Variants in PCDHGB2 observed in about 807,000 individuals in gnomAD.
PCDHGB2 encodes protocadherin gamma-B2.
Under a neutral mutation model 59.3 loss-of-function variants are expected in PCDHGB2, and 55 were observed. The ratio of observed to expected loss-of-function variants is 0.93; its 90% CI spans 0.75 to 1.16. The LOEUF is 1.16. PCDHGB2 is among the 50% of genes most tolerant of loss of function. The pLI is 0.00. For synonymous variants in PCDHGB2, 516 were observed against 512.0 expected, an observed-to-expected ratio of 1.01 and a Z score of -0.11; for missense variants, 1,228 against 1,198.5, an observed-to-expected ratio of 1.02 and a Z score of -0.36.
chr5:141,421,359 C>T, intron 1 of PCDHGB2: 1 of 1,614,012 alleles, frequency 6.2e-7, no homozygotes, highest in Non-Finnish European at 8.5e-7. Context: ...AAAAGGGCTC[C>T]TTCGTGGGCA....
chr5:141,382,477 A>C (rs906879449), intron 1 of PCDHGB2, among the ~76,000 whole-genome samples: 5 of 152,240 alleles, frequency 3.3e-5, no homozygotes, highest in African/African-American at 1.2e-4. Context: ...ATTATCTAAG[A>C]TTATCAAACA....
chr5:141,394,173 C>T, intron 1 of PCDHGB2: 1 of 1,613,948 alleles, frequency 6.2e-7, no homozygotes, highest in Non-Finnish European at 8.5e-7. Flanking sequence ...TACTTTCCCT[C>T]ATGCCTCCTA....
intron 1 of PCDHGB2, among the ~76,000 whole-genome samples, chr5:141,458,988 C>G (rs996478276): frequency 6.6e-6 from 1 of 152,208 alleles, no homozygotes; most frequent in African/African-American, 2.4e-5. Flanking sequence ...CTGCCTCACC[C>G]TCCCAAAGTG....
chr5:141,487,670 T>A lies in PCDHGB2; in HGVS notation c.2422-7137T>A. The A allele has an allele frequency of 6.2e-7, 1 of 1,612,302 alleles. No homozygotes were observed. Among genetic ancestry groups the A allele is most frequent in the Non-Finnish European group, 8.5e-7 (1 of 1,179,082 alleles). ...TGAGGGTTATTCTGATCCAGGCATA[T>A]GGCTAGGCCATGTCCTAGAGAGTAC... On this transcript the variant is annotated intron_variant, in intron 1 of 3. Transcript: ENST00000522605. This position sits in a 1 kb window ranked among gnomAD's most constrained non-coding sequence, Gnocchi z 5.0.
At chr5:141,423,341 TC>T (rs767448191) in intron 1 of PCDHGB2, 181 of 1,614,176 alleles carry the variant, frequency 1.1e-4, no homozygotes, top group Admixed American at 2.7e-4. Context: ...TCCTGCATCT[TC>T]CTGGTCTTTG....
At position 141,476,881 on chromosome 5, in the gene PCDHGB2, G is replaced by A. The variant is rs1458703890; in HGVS notation, c.2422-17926G>A. On this transcript the variant is annotated intron_variant, in intron 1 of 3. Coordinates refer to ENST00000522605, the MANE Select transcript of PCDHGB2 (RefSeq NM_018923.3). The surrounding 1 kb of genome is among the most constrained non-coding windows in gnomAD (Gnocchi z 7.6). The stretch of plus-strand genomic sequence containing the variant: ...CCTTGTACCGGGCGCGCGTCCTGGA[G>A]GATGCACCCTCCGGCACGCGCGTGG... 1.9e-6 allele frequency: 3 copies of A among 1,613,874 alleles called. No homozygotes were observed. Among genetic ancestry groups the A allele is most frequent in the Middle Eastern group, 1.6e-4 (1 of 6,084 alleles).
chr5:141,433,076 C>T, intron 1 of PCDHGB2: 1 of 1,614,188 alleles, frequency 6.2e-7, no homozygotes, highest in Non-Finnish European at 8.5e-7. Context: ...CTTCCCCCAG[C>T]CCAACTATGC....
At position 141,431,942 on chromosome 5, in the gene PCDHGB2, G is replaced by A. The variant is rs1284808063; in HGVS notation, c.2422-62865G>A. 6.2e-7 allele frequency: 1 copy of A among 1,614,116 alleles called. No homozygotes were observed. The highest frequency in any genetic ancestry group is 2.2e-5 in the East Asian group (1 of 44,884). ...CCAAGGAAATCTGCCCTTTAAATTA[G>A]AAAAATCTTACGGAAATTACTATAG... On this transcript the variant is annotated intron_variant, in intron 1 of 3. Transcript: ENST00000522605. The surrounding 1 kb of genome is among the most constrained non-coding windows in gnomAD (Gnocchi z 4.8).
In PCDHGB2 at chr5:141,490,413, G is replaced by C. The variant is rs2233606; in HGVS notation, c.2422-4394G>C. 6 of 1,614,128 alleles carry C rather than the reference G, an allele frequency of 3.7e-6. No individual in the cohort carries two copies. In the South Asian group the frequency reaches 4.4e-5, roughly 12 times the overall value. On this transcript the variant is annotated intron_variant, in intron 1 of 3. Transcript: ENST00000522605. The surrounding 1 kb of genome is among the most constrained non-coding windows in gnomAD (Gnocchi z 5.4). ...GTGAAGTGAGCCTTGATATCTCTCCGGACCTGCCATTTCAGATTAAGCCTT... is the reference window on the plus strand; with the variant it reads ...GTGAAGTGAGCCTTGATATCTCTCCCGACCTGCCATTTCAGATTAAGCCTT...
At chr5:141,426,726 G>A (rs916323483) in intron 1 of PCDHGB2, 2 of 448,052 alleles carry the variant, frequency 4.5e-6, no homozygotes, top group South Asian at 1.6e-5. Flanking sequence ...AGCAATTCCA[G>A]GCATTCGGTT....
At chr5:141,495,800 C>T (rs1351461035) in intron 2 of PCDHGB2, among the ~76,000 whole-genome samples, 5 of 152,134 alleles carry the variant, frequency 3.3e-5, no homozygotes, top group Non-Finnish European at 7.3e-5. Context: ...CTCCTTTCAC[C>T]GTTTCCTAGC....
intron 1 of PCDHGB2, chr5:141,374,629 G>T (rs1404855518): frequency 6.2e-7 from 1 of 1,613,096 alleles, no homozygotes; most frequent in Non-Finnish European, 8.5e-7. Flanking sequence ...CAGTGGACGT[G>T]CAAAGCGAAG....
intron 1 of PCDHGB2, chr5:141,382,920 C>T (rs894174603): frequency 2.6e-6 from 4 of 1,558,806 alleles, no homozygotes; most frequent in Admixed American, 1.9e-5. Flanking sequence ...AGCCGAGGGG[C>T]GGGGACTACA....
At chr5:141,453,517 C>T (rs1001603927) in intron 1 of PCDHGB2, among the ~76,000 whole-genome samples, 1 of 152,062 alleles carries the variant, frequency 6.6e-6, no homozygotes, top group African/African-American at 2.4e-5. Context: ...TCATTCCTCC[C>T]CTATACCTTC....
At chr5:141,398,207 C>T (rs1368284039) in intron 1 of PCDHGB2, 3 of 1,488,636 alleles carry the variant, frequency 2.0e-6, no homozygotes, top group South Asian at 2.6e-5. Flanking sequence ...TTGTTCTGCC[C>T]GGCGCTCTGT....
rs1370450155 is a variant in PCDHGB2, at chr5:141,431,480, G to T, written c.2422-63327G>T. On this transcript the variant is annotated intron_variant, in intron 1 of 3. Coordinates refer to ENST00000522605, the MANE Select transcript of PCDHGB2 (RefSeq NM_018923.3). This position sits in a 1 kb window ranked among gnomAD's most constrained non-coding sequence, Gnocchi z 4.8. Reference sequence around the variant, plus strand: ...TCTGGATGCGAACGACAACGCACCAGCGTTTGCTCAGCCCGAGTACCGCGC... The same window carrying T: ...TCTGGATGCGAACGACAACGCACCATCGTTTGCTCAGCCCGAGTACCGCGC... 3 of 1,613,924 alleles carry T rather than the reference G, an allele frequency of 1.9e-6. No individual in the cohort carries two copies. Among genetic ancestry groups the T allele is most frequent in the Non-Finnish European group, 2.5e-6 (3 of 1,179,990 alleles).
At chr5:141,382,998 C>G in intron 1 of PCDHGB2, 2 of 1,613,740 alleles carry the variant, frequency 1.2e-6, no homozygotes, top group Non-Finnish European at 1.7e-6. Context: ...GTATTCTCTA[C>G]TCCGTGTCGG....
intron 1 of PCDHGB2, chr5:141,478,531 C>T (rs771145308): frequency 1.9e-6 from 3 of 1,608,190 alleles, no homozygotes; most frequent in Non-Finnish European, 2.5e-6. Flanking sequence ...GTGCAGAGAG[C>T]GCCCCTCCCG....
chr5:141,366,873 G>A (rs1764838091), intron 1 of PCDHGB2: 6 of 1,393,396 alleles, frequency 4.3e-6, no homozygotes, highest in Non-Finnish European at 5.8e-6. Flanking sequence ...CTGTATTGGA[G>A]ATTAATTTTT....
Sources: gnomAD v4.1 joint callset for allele counts (sites outside exome capture counted in the v4.1 genomes callset) on GRCh38, gnomAD v4.1.1 for gene constraint, Gnocchi (gnomAD v3.1) non-coding constraint, MANE v1.5 for transcripts, NCBI Gene and HGNC (gene_info 2026-07-23, HGNC 2026-07-21) for gene names.